TMEM163: variants seen among roughly 807,000 people sequenced by gnomAD.
TMEM163 encodes transmembrane protein 163.
TMEM163 carries 17 observed loss-of-function variants against 29.3 expected under a neutral mutation model. The ratio of observed to expected loss-of-function variants is 0.58; its 90% CI spans 0.40 to 0.87. The LOEUF is 0.87. Ranked by LOEUF, TMEM163 falls within the 40% of genes least tolerant of loss-of-function variation. The pLI is 0.00. For missense variants in TMEM163, 303 were observed against 381.5 expected (o/e 0.79, Z 1.71); for synonymous variants, 157 against 160.6 (o/e 0.98, Z 0.17).
chr2:134,702,790 T>C (rs1474788613), intron 2 of TMEM163, among the ~76,000 whole-genome samples: 2 of 152,048 alleles, frequency 1.3e-5, no homozygotes, highest in African/African-American at 4.8e-5. Flanking sequence ...AATAGAAAGG[T>C]AGGAATATAA....
intron 2 of TMEM163, among the ~76,000 whole-genome samples, chr2:134,672,564 A>G (rs1407595698): frequency 6.6e-6 from 1 of 151,886 alleles, no homozygotes; most frequent in Non-Finnish European, 1.5e-5. Context: ...TTTTGTAGAG[A>G]CAGTGTATCA....
intron 2 of TMEM163, among the ~76,000 whole-genome samples, chr2:134,640,486 A>T (rs1222752906): frequency 6.6e-6 from 1 of 152,160 alleles, no homozygotes; most frequent in Non-Finnish European, 1.5e-5. Flanking sequence ...TAGCCTAGAA[A>T]ACTCAAGCAA....
At chr2:134,590,097 C>T (rs1215371475) in intron 2 of TMEM163, among the ~76,000 whole-genome samples, 1 of 150,332 alleles carries the variant, frequency 6.7e-6, no homozygotes, top group Non-Finnish European at 1.5e-5. Context: ...CTCTCCCACC[C>T]TCCAGGCCCA....
At chr2:134,528,749 TCA>T (rs10582017) in intron 4 of TMEM163, among the ~76,000 whole-genome samples, 34,202 of 152,148 alleles carry the variant, frequency 0.22, 4,527 homozygotes, top group Middle Eastern at 0.37. Flanking sequence ...GTAATATGTC[TCA>T]CACTTCTGAT....
At chr2:134,530,776 A>G (rs1680399165) in intron 4 of TMEM163, among the ~76,000 whole-genome samples, 1 of 152,246 alleles carries the variant, frequency 6.6e-6, no homozygotes, top group Non-Finnish European at 1.5e-5. Context: ...TTGGATGAAG[A>G]ATAAATCAAA....
intron 4 of TMEM163, among the ~76,000 whole-genome samples, chr2:134,511,834 T>A (rs1238840432): frequency 6.6e-6 from 1 of 152,252 alleles, no homozygotes; most frequent in African/African-American, 2.4e-5. Context: ...GTCAGGGCAA[T>A]TAGCTGCACC....
At chr2:134,545,098 C>T (rs1022974543) in intron 4 of TMEM163, among the ~76,000 whole-genome samples, 4 of 152,178 alleles carry the variant, frequency 2.6e-5, no homozygotes, top group African/African-American at 9.7e-5. Flanking sequence ...AAAAACCACA[C>T]ATGCTATTTT....
intron 2 of TMEM163, among the ~76,000 whole-genome samples, chr2:134,558,176 T>C (rs1433279312): frequency 6.6e-6 from 1 of 152,142 alleles, no homozygotes; most frequent in Non-Finnish European, 1.5e-5. Context: ...TCTGAATCCA[T>C]CTTTCTAGGT....
chr2:134,602,490 TGTGA>T (rs922994990), intron 2 of TMEM163, among the ~76,000 whole-genome samples: 6 of 152,102 alleles, frequency 3.9e-5, no homozygotes, highest in Non-Finnish European at 8.8e-5. Flanking sequence ...TAGGAAGTGG[TGTGA>T]GTGAGACACT....
intron 2 of TMEM163, among the ~76,000 whole-genome samples, chr2:134,623,664 G>T (rs1431787738): frequency 6.6e-6 from 1 of 152,106 alleles, no homozygotes; most frequent in African/African-American, 2.4e-5. Flanking sequence ...CTACTCGGGG[G>T]GCTGAGGCAG....
At chr2:134,468,612 C>G (rs1686721406) in intron 5 of TMEM163, 2 of 152,266 alleles carry the variant, frequency 1.3e-5, no homozygotes, top group Non-Finnish European at 2.9e-5. Context: ...TGAATACTCA[C>G]TTTGCTTATC....
At chr2:134,538,461 C>A (rs1028712699) in intron 4 of TMEM163, among the ~76,000 whole-genome samples, 8 of 152,178 alleles carry the variant, frequency 5.3e-5, no homozygotes, top group Non-Finnish European at 1.2e-4. Flanking sequence ...GCTCTATACC[C>A]AAGAAATAAA....
At chr2:134,497,888 GC>G (rs1487043536) in intron 5 of TMEM163, among the ~76,000 whole-genome samples, 2 of 152,132 alleles carry the variant, frequency 1.3e-5, no homozygotes, top group East Asian at 3.9e-4. Flanking sequence ...ACCCCACAAG[GC>G]CAAGCATCAG....
chr2:134,615,078 A>C (rs1410886855), intron 2 of TMEM163, among the ~76,000 whole-genome samples: 1 of 152,142 alleles, frequency 6.6e-6, no homozygotes, highest in Non-Finnish European at 1.5e-5. Context: ...CACACAAGTG[A>C]GTGCATGTAC....
At chr2:134,681,870 G>A (rs1242256571) in intron 2 of TMEM163, among the ~76,000 whole-genome samples, 1 of 152,154 alleles carries the variant, frequency 6.6e-6, no homozygotes, top group African/African-American at 2.4e-5. Context: ...TTGGAAGTAG[G>A]CATATTTTCA....
intron 2 of TMEM163, among the ~76,000 whole-genome samples, chr2:134,577,647 G>C (rs952337802): frequency 3.3e-5 from 5 of 152,108 alleles, no homozygotes; most frequent in African/African-American, 9.7e-5. Context: ...GGTCTCCGCA[G>C]GTGTTCCCAG....
intron 2 of TMEM163, among the ~76,000 whole-genome samples, chr2:134,619,135 G>A (rs1682673576): frequency 6.6e-6 from 1 of 152,096 alleles, no homozygotes; most frequent in African/African-American, 2.4e-5. Flanking sequence ...TATCCATAAA[G>A]AAAAATCTGA....
At chr2:134,652,120 G>A (rs1462759770) in intron 2 of TMEM163, among the ~76,000 whole-genome samples, 5 of 138,100 alleles carry the variant, frequency 3.6e-5, no homozygotes, top group East Asian at 2.0e-4. Context: ...CATTGAATCT[G>A]TAAATTACCT....
intron 1 of TMEM163, among the ~76,000 whole-genome samples, chr2:134,718,042 C>G (rs912597186): frequency 6.6e-6 from 1 of 152,234 alleles, no homozygotes; most frequent in East Asian, 1.9e-4. Context: ...GACGCGCCCT[C>G]CGGAAACATC....
Sources: gnomAD v4.1 joint callset for allele counts (sites outside exome capture counted in the v4.1 genomes callset) on GRCh38, gnomAD v4.1.1 for gene constraint, MANE v1.5 for transcripts, NCBI Gene and HGNC (gene_info 2026-07-23, HGNC 2026-07-21) for gene names.